NIPBL: variants seen among roughly 807,000 people sequenced by gnomAD.
NIPBL encodes the protein nipped-B-like protein.
NIPBL carries 19 observed loss-of-function variants against 321.8 expected under a neutral mutation model. That is an observed-to-expected ratio of 0.06 (90% CI 0.04 to 0.09). The LOEUF (loss-of-function observed/expected upper bound fraction) is 0.09. Among genes scored for constraint, NIPBL ranks in the 10% least tolerant of loss-of-function variants. The probability of loss-of-function intolerance (pLI) is 1.00; values close to 1 mark genes in which losing one functional copy is unlikely to be tolerated. For missense variants in NIPBL, 2,210 were observed against 3,327.0 expected, an observed-to-expected ratio of 0.66 and a Z score of 8.26; for synonymous variants, 1,106 against 1,114.1, an observed-to-expected ratio of 0.99 and a Z score of 0.14.
At chr5:36,898,494 C>G (rs192648322) in intron 1 of NIPBL, among the ~76,000 whole-genome samples, 179 of 150,364 alleles carry the variant, frequency 1.2e-3, no homozygotes, top group Non-Finnish European at 1.2e-3. Context: ...GAAATCAAAC[C>G]TATGTTTTTC....
intron 9 of NIPBL, among the ~76,000 whole-genome samples, chr5:36,981,504 A>G (rs1317081223): frequency 6.6e-6 from 1 of 151,664 alleles, no homozygotes; most frequent in African/African-American, 2.4e-5. Flanking sequence ...CAACTTTGTA[A>G]CCTAATATTT....
At chr5:36,894,555 C>T (rs2149527442) in intron 1 of NIPBL, among the ~76,000 whole-genome samples, 1 of 152,134 alleles carries the variant, frequency 6.6e-6, no homozygotes, top group South Asian at 2.1e-4. Context: ...TTGTATTTTC[C>T]TACCTCACAC....
In NIPBL at chr5:37,066,196, G is replaced by A. The variant is rs1755329998; in HGVS notation, c.*1304G>A. 1 of 152,088 alleles carries A rather than the reference G, an allele frequency of 6.6e-6. No individual in the cohort carries two copies. 9.4% of individuals were successfully genotyped at this position (152,088 alleles called of 1,614,324 possible). On this transcript the variant is annotated 3_prime_UTR_variant, in exon 47 of 47. Coordinates refer to ENST00000282516, the MANE Select transcript of NIPBL (RefSeq NM_133433.4). ...TTTGATATGTATAGTTGACACTCAG[G>A]AATAGTAATGCCTAAAATTTACAGT...
chr5:36,958,452 G>A (rs1275780055), intron 4 of NIPBL, among the ~76,000 whole-genome samples: 4 of 152,106 alleles, frequency 2.6e-5, no homozygotes, highest in African/African-American at 9.7e-5. Flanking sequence ...TGTTAAATAT[G>A]TTGGAATATA....
intron 1 of NIPBL, among the ~76,000 whole-genome samples, chr5:36,942,645 G>A (rs1259321456): frequency 4.0e-5 from 6 of 150,308 alleles, no homozygotes; most frequent in Admixed American, 1.3e-4. Flanking sequence ...GGGGGCTGAG[G>A]CACGAGAATC....
At chr5:36,917,262 A>T (rs1054913916) in intron 1 of NIPBL, among the ~76,000 whole-genome samples, 1 of 152,004 alleles carries the variant, frequency 6.6e-6, no homozygotes, top group Non-Finnish European at 1.5e-5. Context: ...GCATTTTTTC[A>T]TGTGTCTGTT....
intron 1 of NIPBL, among the ~76,000 whole-genome samples, chr5:36,884,641 C>T (rs1429537230): frequency 2.0e-5 from 3 of 152,118 alleles, no homozygotes; most frequent in Admixed American, 1.3e-4. Context: ...ATCTGTATGT[C>T]TATAACATCA....
At chr5:36,900,557 T>C (rs1747125439) in intron 1 of NIPBL, among the ~76,000 whole-genome samples, 1 of 152,140 alleles carries the variant, frequency 6.6e-6, no homozygotes, top group Non-Finnish European at 1.5e-5. Flanking sequence ...GAATGTATGC[T>C]CTCCTTAAGT....
At chr5:36,899,311 G>A (rs1014150679) in intron 1 of NIPBL, among the ~76,000 whole-genome samples, 5 of 151,812 alleles carry the variant, frequency 3.3e-5, no homozygotes, top group African/African-American at 1.2e-4. Context: ...AAGACTTTTG[G>A]TTTTGCATTA....
intron 10 of NIPBL, among the ~76,000 whole-genome samples, chr5:36,989,217 T>G (rs1174799768): frequency 6.6e-6 from 1 of 152,158 alleles, no homozygotes; most frequent in Admixed American, 6.5e-5. Flanking sequence ...AACTACCTAG[T>G]TTTTTTGTTA....
intron 1 of NIPBL, among the ~76,000 whole-genome samples, chr5:36,894,460 T>C (rs997999202): frequency 7.2e-5 from 11 of 152,158 alleles, no homozygotes; most frequent in Non-Finnish European, 1.5e-4. Context: ...AATACATGTA[T>C]ATAAAAATAC....
At chr5:37,030,482 G>A (rs1371899523) in intron 32 of NIPBL, among the ~76,000 whole-genome samples, 2 of 152,148 alleles carry the variant, frequency 1.3e-5, no homozygotes, top group African/African-American at 4.8e-5. Context: ...GACTGCTGGA[G>A]TTATTACAAA....
chr5:36,881,910 G>A (rs1745533009), intron 1 of NIPBL, among the ~76,000 whole-genome samples: 2 of 151,938 alleles, frequency 1.3e-5, no homozygotes, highest in Admixed American at 1.3e-4. Flanking sequence ...GTTTGTCAAA[G>A]CATCTGTTGT....
At chr5:36,958,057 G>C (rs761782871) in intron 3 of NIPBL, 47 bp from the exon 4 acceptor site, 3 of 1,586,412 alleles carry the variant, frequency 1.9e-6, no homozygotes. Flanking sequence ...GTCTTCTTAA[G>C]AATCAGTCAC....
intron 10 of NIPBL, among the ~76,000 whole-genome samples, chr5:36,992,613 G>A (rs1398917175): frequency 6.6e-6 from 1 of 152,012 alleles, no homozygotes; most frequent in Non-Finnish European, 1.5e-5. Flanking sequence ...CTCCTGAGCT[G>A]AAATGATCCT....
chr5:37,020,856 C>T lies in NIPBL; in HGVS notation c.5307C>T (p.Ser1769=), dbSNP rs1486487706. Residue 1769 remains serine, a synonymous_variant, in exon 27 of 47, where the codon AGC becomes AGT. Transcript: ENST00000282516. ...CCTCCATGAGGCCGTTTGCCCAGAG[C>T]TTTGATATTTATTTGACACAGGTAA... ...YLASMRPFAQ[S]FDIYLTQILR... The T allele has an allele frequency of 3.1e-6, 5 of 1,612,746 alleles. No homozygotes were observed. Among genetic ancestry groups the T allele is most frequent in the African/African-American group, 1.3e-5 (1 of 74,906 alleles).
intron 6 of NIPBL, among the ~76,000 whole-genome samples, chr5:36,962,701 A>C (rs547937045): frequency 1.3e-5 from 2 of 152,100 alleles, no homozygotes; most frequent in African/African-American, 4.8e-5. Context: ...AAATATTTGG[A>C]AAAAAAATTG....
intron 1 of NIPBL, among the ~76,000 whole-genome samples, chr5:36,952,109 A>G (rs938830583): frequency 6.7e-6 from 1 of 148,412 alleles, no homozygotes; most frequent in Non-Finnish European, 1.5e-5. Flanking sequence ...ACCTTTGTGC[A>G]ATAGGTCTTA....
chr5:36,904,342 T>C (rs922045385), intron 1 of NIPBL, among the ~76,000 whole-genome samples: 4 of 152,138 alleles, frequency 2.6e-5, no homozygotes, highest in Non-Finnish European at 5.9e-5. Flanking sequence ...TGGTGGCGTG[T>C]GCCTGTAATC....
Sources: gnomAD v4.1 joint callset for allele counts (sites outside exome capture counted in the v4.1 genomes callset) on GRCh38, gnomAD v4.1.1 for gene constraint, MANE v1.5 for transcripts, NCBI Gene and HGNC (gene_info 2026-07-23, HGNC 2026-07-21) for gene names.